Variants in ALK observed in about 807,000 individuals in gnomAD.
ALK encodes the protein ALK tyrosine kinase receptor.
Under a neutral mutation model 163.1 loss-of-function variants are expected in ALK, and 74 were observed. The ratio of observed to expected loss-of-function variants is 0.45; its 90% CI spans 0.38 to 0.55. The LOEUF (loss-of-function observed/expected upper bound fraction) is 0.55, where lower values mean the gene tolerates loss of function less well. ALK is among the 20% of genes least tolerant of loss of function. The pLI, the probability that ALK is intolerant of heterozygous loss-of-function variation, is 0.00. For missense variants in ALK, 2,063 were observed against 2,105.3 expected (o/e 0.98, Z 0.39); for synonymous variants, 960 against 843.2 (o/e 1.14, Z -2.40).
chr2:29,824,902 A>C (rs7567216), intron 1 of ALK, among the ~76,000 whole-genome samples: 1 of 152,036 alleles, frequency 6.6e-6, no homozygotes, highest in East Asian at 1.9e-4. Context: ...AGAGGCCAGA[A>C]GTGGAATGAT....
At chr2:29,275,019 C>T in intron 11 of ALK, 80 bp downstream of exon 11, 1 of 1,576,208 alleles carries the variant, frequency 6.3e-7, no homozygotes, top group Non-Finnish European at 8.7e-7. Context: ...CAGCTCCCCA[C>T]CCTAAAGACA....
chr2:29,422,648 G>C (rs1670043773), intron 4 of ALK, among the ~76,000 whole-genome samples: 1 of 152,034 alleles, frequency 6.6e-6, no homozygotes, highest in Non-Finnish European at 1.5e-5. Flanking sequence ...AAACTAGTTA[G>C]GCACCTTTAC....
At chr2:29,663,954 T>C (rs955550623) in intron 3 of ALK, among the ~76,000 whole-genome samples, 1 of 152,152 alleles carries the variant, frequency 6.6e-6, no homozygotes, top group African/African-American at 2.4e-5. Flanking sequence ...CCTTGTTATG[T>C]TGAAACAACA....
chr2:29,878,144 C>T (rs896517070), intron 1 of ALK, among the ~76,000 whole-genome samples: 3 of 152,154 alleles, frequency 2.0e-5, no homozygotes, highest in African/African-American at 4.8e-5. Flanking sequence ...CAATCAAGTA[C>T]ACAGCTTTTT....
intron 4 of ALK, among the ~76,000 whole-genome samples, chr2:29,515,215 C>G (rs1233821525): frequency 6.6e-6 from 1 of 152,208 alleles, no homozygotes; most frequent in South Asian, 2.1e-4. Context: ...GAAGGCTCCC[C>G]TGAGCCCCTG....
chr2:29,622,575 C>G lies in ALK; in HGVS notation c.952+72275G>C, dbSNP rs1233779673. 2.0e-5 allele frequency among the ~76,000 whole-genome samples: 3 copies of G among 152,160 alleles called. No homozygotes were observed. In the East Asian group the frequency reaches 5.8e-4, roughly 29 times the overall value. ...TTAAGTTGAGATTTGGGTGGGGACA[C>G]AGCAAAACCATATTAAGCAGCTTTG... On this transcript the variant is annotated intron_variant, in intron 3 of 28. Coordinates refer to ENST00000389048, the MANE Select transcript of ALK (RefSeq NM_004304.5).
At chr2:29,863,448 A>T (rs868567965) in intron 1 of ALK, among the ~76,000 whole-genome samples, 1 of 152,198 alleles carries the variant, frequency 6.6e-6, no homozygotes, top group African/African-American at 2.4e-5. Flanking sequence ...CAATTTAAAA[A>T]TGAGCAAATG....
chr2:29,588,320 C>T (rs1177254023), intron 3 of ALK, among the ~76,000 whole-genome samples: 1 of 152,156 alleles, frequency 6.6e-6, no homozygotes, highest in African/African-American at 2.4e-5. Flanking sequence ...AACCCCCACC[C>T]ACCAGGTTCA....
At chr2:29,590,797 C>T (rs996561383) in intron 3 of ALK, among the ~76,000 whole-genome samples, 3 of 152,120 alleles carry the variant, frequency 2.0e-5, no homozygotes, top group African/African-American at 7.2e-5. Flanking sequence ...GCAGGCCGGG[C>T]GCGGTGGCTC....
intron 5 of ALK, among the ~76,000 whole-genome samples, chr2:29,371,721 C>T (rs1417758313): frequency 6.6e-6 from 1 of 152,176 alleles, no homozygotes; most frequent in Non-Finnish European, 1.5e-5. Flanking sequence ...AGATTGGACC[C>T]CCTGCTAGTC....
At chr2:29,335,858 A>G (rs751401125) in intron 5 of ALK, among the ~76,000 whole-genome samples, 42 of 151,940 alleles carry the variant, frequency 2.8e-4, no homozygotes, top group Non-Finnish European at 1.9e-4. Flanking sequence ...TGACCAACAT[A>G]GTGAAACCCC....
At chr2:29,401,978 A>G (rs1669456910) in intron 4 of ALK, among the ~76,000 whole-genome samples, 1 of 152,166 alleles carries the variant, frequency 6.6e-6, no homozygotes, top group African/African-American at 2.4e-5. Flanking sequence ...TAATCAGGGT[A>G]TTGTTTCTGG....
chr2:29,424,877 T>G (rs904598240), intron 4 of ALK, among the ~76,000 whole-genome samples: 3 of 152,184 alleles, frequency 2.0e-5, no homozygotes, highest in Non-Finnish European at 2.9e-5. Flanking sequence ...TGATAATAAT[T>G]AACTTTCCAT....
intron 1 of ALK, among the ~76,000 whole-genome samples, chr2:29,915,579 C>A (rs566072366): frequency 2.0e-5 from 3 of 152,310 alleles, no homozygotes; most frequent in Admixed American, 6.5e-5. Flanking sequence ...AAAAACCCCT[C>A]ATGGACCTTC....
chr2:29,511,937 C>G (rs975791968), intron 4 of ALK, among the ~76,000 whole-genome samples: 1 of 152,116 alleles, frequency 6.6e-6, no homozygotes, highest in Non-Finnish European at 1.5e-5. Flanking sequence ...ATTTTGCCCA[C>G]TTAATTGGGT....
chr2:29,877,157 T>C (rs991426173), intron 1 of ALK, among the ~76,000 whole-genome samples: 3 of 152,222 alleles, frequency 2.0e-5, no homozygotes, highest in Non-Finnish European at 2.9e-5. Context: ...AAAATAAACA[T>C]AAATATATAA....
At chr2:29,469,250 T>A (rs947513568) in intron 4 of ALK, among the ~76,000 whole-genome samples, 1 of 152,198 alleles carries the variant, frequency 6.6e-6, no homozygotes, top group African/African-American at 2.4e-5. Context: ...GTGGACATGT[T>A]GGGTCAATGT....
chr2:29,330,504 A>T (rs1667405981), intron 5 of ALK, among the ~76,000 whole-genome samples: 1 of 152,222 alleles, frequency 6.6e-6, no homozygotes. Context: ...CCCCAGGCCT[A>T]GCCAGTGCCT....
At chr2:29,866,818 ACT>A (rs1666447880) in intron 1 of ALK, among the ~76,000 whole-genome samples, 1 of 151,704 alleles carries the variant, frequency 6.6e-6, no homozygotes, top group Non-Finnish European at 1.5e-5. Context: ...CCTGTTGGAA[ACT>A]CCACAATTCT....
Sources: allele counts gnomAD v4.1 joint callset (sites outside exome capture counted in the v4.1 genomes callset), GRCh38; gene constraint gnomAD v4.1.1; transcripts MANE v1.5; gene names NCBI Gene and HGNC (gene_info 2026-07-23, HGNC 2026-07-21).